The following THEMIS variants were observed in gnomAD, a reference collection of about 807,000 sequenced individuals.
The protein encoded by THEMIS is protein THEMIS.
In THEMIS, 37 loss-of-function variants were observed where a neutral mutation model predicts 52.6. The ratio of observed to expected loss-of-function variants is 0.70; its 90% CI spans 0.54 to 0.93. The LOEUF is 0.93. THEMIS is among the 40% of genes least tolerant of loss of function. The pLI, the probability that THEMIS is intolerant of heterozygous loss-of-function variation, is 0.00. For synonymous variants in THEMIS, 292 were observed against 272.7 expected, an observed-to-expected ratio of 1.07 and a Z score of -0.70; for missense variants, 808 against 763.1, an observed-to-expected ratio of 1.06 and a Z score of -0.69.
At chr6:127,907,801 CTT>C (rs1562334074) in intron 1 of THEMIS, among the ~76,000 whole-genome samples, 2 of 151,224 alleles carry the variant, frequency 1.3e-5, no homozygotes, top group Admixed American at 6.6e-5. Flanking sequence ...TCACCATTCT[CTT>C]CTGTCTCCAA....
chr6:127,736,550 T>A (rs1049580471), intron 4 of THEMIS, among the ~76,000 whole-genome samples: 28 of 152,174 alleles, frequency 1.8e-4, no homozygotes, highest in African/African-American at 6.3e-4. Flanking sequence ...TATGCAAGTA[T>A]GTGATCTAGC....
At chr6:127,701,718 A>G in the THEMIS span, among the ~76,000 whole-genome samples, 2 of 152,094 alleles carry the variant, frequency 1.3e-5, no homozygotes, top group Non-Finnish European at 1.5e-5. Context: ...TTTGAAAAAA[A>G]CTTTTAGCCA....
upstream of THEMIS, among the ~76,000 whole-genome samples, chr6:127,905,866 AAAAG>A (rs1781257003): frequency 6.6e-6 from 1 of 151,704 alleles, no homozygotes. Context: ...GACGAGAAAG[AAAAG>A]AAAAAGAACC....
intron 4 of THEMIS, among the ~76,000 whole-genome samples, chr6:127,726,143 T>C (rs974755839): frequency 6.6e-6 from 1 of 152,046 alleles, no homozygotes; most frequent in Admixed American, 6.6e-5. Context: ...TTGGGCCCAA[T>C]AGTGGTTAAC....
chr6:127,833,545 T>C (rs927577347), intron 2 of THEMIS, among the ~76,000 whole-genome samples: 11 of 152,212 alleles, frequency 7.2e-5, no homozygotes, highest in Non-Finnish European at 7.3e-5. Flanking sequence ...GCCTCCCTGT[T>C]GCATGTATGA....
At chr6:127,814,500 A>C (rs1778058525) in intron 3 of THEMIS, among the ~76,000 whole-genome samples, 2 of 152,222 alleles carry the variant, frequency 1.3e-5, no homozygotes, top group African/African-American at 4.8e-5. Flanking sequence ...ATCCTAAGAT[A>C]CAAGCTACTT....
At chr6:127,883,857 T>A (rs1051732237) in intron 1 of THEMIS, among the ~76,000 whole-genome samples, 1 of 152,130 alleles carries the variant, frequency 6.6e-6, no homozygotes, top group African/African-American at 2.4e-5. Context: ...CAGTTTTGAT[T>A]TATGATATTT....
At chr6:127,744,690 T>C (rs1462492404) in intron 4 of THEMIS, among the ~76,000 whole-genome samples, 2 of 151,952 alleles carry the variant, frequency 1.3e-5, no homozygotes, top group Non-Finnish European at 2.9e-5. Flanking sequence ...ACATGAGGTG[T>C]TCTTGTTCAA....
chr6:127,761,558 T>C (rs1184405352), intron 4 of THEMIS, among the ~76,000 whole-genome samples: 1 of 152,080 alleles, frequency 6.6e-6, no homozygotes, highest in Non-Finnish European at 1.5e-5. Context: ...ATGCAATGTA[T>C]TAAGAAGTGC....
At chr6:127,880,392 T>C (rs892920100) in intron 1 of THEMIS, among the ~76,000 whole-genome samples, 4 of 151,834 alleles carry the variant, frequency 2.6e-5, no homozygotes, top group Non-Finnish European at 1.5e-5. Flanking sequence ...GGAATAAATA[T>C]ATATGCTGTG....
At position 127,913,585 on chromosome 6, in the gene THEMIS, A is replaced by G. The variant is rs140439127; in HGVS notation, c.-150+4843T>C. 9.6e-4 allele frequency among the ~76,000 whole-genome samples: 147 copies of G among 152,376 alleles called. 1 individual carries two copies. Among genetic ancestry groups the G allele is most frequent in the African/African-American group, 3.4e-3 (140 of 41,600 alleles). The stretch of plus-strand genomic sequence containing the variant: ...CTTACCTTCTCCTCCCCAAGATGAC[A>G]GAATAGAATCATGACCAGACCTGGA... On this transcript the variant is annotated intron_variant, in intron 1 of 6. Transcript: ENST00000368250.
intron 1 of THEMIS, among the ~76,000 whole-genome samples, chr6:127,864,837 C>T (rs1286866293): frequency 6.6e-6 from 1 of 152,112 alleles, no homozygotes; most frequent in Non-Finnish European, 1.5e-5. Flanking sequence ...TCATAGAAGT[C>T]AGAAAAGCTG....
chr6:127,737,453 G>C (rs1775047610), intron 4 of THEMIS, among the ~76,000 whole-genome samples: 1 of 152,124 alleles, frequency 6.6e-6, no homozygotes, highest in Non-Finnish European at 1.5e-5. Flanking sequence ...AGAGTATTGT[G>C]TTTCTTAAAG....
chr6:127,906,953 C>CAAAA (rs200672377), intron 1 of THEMIS, among the ~76,000 whole-genome samples: 12 of 140,702 alleles, frequency 8.5e-5, no homozygotes, highest in Admixed American at 7.6e-4. Flanking sequence ...TGTTAAAAAA[C>CAAAA]AAAAAAAAAA....
intron 1 of THEMIS, among the ~76,000 whole-genome samples, chr6:127,886,617 T>A (rs1321121042): frequency 6.6e-6 from 1 of 152,120 alleles, no homozygotes; most frequent in African/African-American, 2.4e-5. Context: ...GTCAGTCCCA[T>A]GGGCACTCCA....
chr6:127,866,300 G>A (rs1779973843), intron 1 of THEMIS, among the ~76,000 whole-genome samples: 1 of 151,884 alleles, frequency 6.6e-6, no homozygotes, highest in Non-Finnish European at 1.5e-5. Context: ...GTATAAGCTA[G>A]CTACATATAG....
intron 4 of THEMIS, among the ~76,000 whole-genome samples, chr6:127,746,739 AT>A (rs1291194524): frequency 1.1e-5 from 1 of 90,976 alleles, no homozygotes; most frequent in Non-Finnish European, 1.9e-5. Context: ...ATATAATTAT[AT>A]TATATATAAT....
chr6:127,729,199 TCTC>T, intron 4 of THEMIS, among the ~76,000 whole-genome samples: 1 of 89,050 alleles, frequency 1.1e-5, no homozygotes, highest in Non-Finnish European at 2.6e-5. Flanking sequence ...TCTCTCTCTC[TCTC>T]TTCACTCATC....
intron 2 of THEMIS, among the ~76,000 whole-genome samples, chr6:127,849,610 C>A (rs1334476903): frequency 1.3e-5 from 2 of 151,896 alleles, no homozygotes; most frequent in African/African-American, 4.8e-5. Flanking sequence ...GTCAGGTGAT[C>A]ATCAACAAAG....
Sources: allele counts gnomAD v4.1 joint callset (sites outside exome capture counted in the v4.1 genomes callset), GRCh38; gene constraint gnomAD v4.1.1; transcripts MANE v1.5; gene names NCBI Gene and HGNC (gene_info 2026-07-23, HGNC 2026-07-21).